The following VPS45 variants were observed in gnomAD, a reference collection of about 807,000 sequenced individuals.
VPS45 encodes the protein vacuolar protein sorting 45 homolog, also known as vacuolar protein sorting-associated protein 45.
VPS45 carries 35 observed loss-of-function variants against 75.9 expected under a neutral mutation model. That is an observed-to-expected ratio of 0.46 (90% CI 0.35 to 0.61). VPS45 has a LOEUF of 0.61. Among genes scored for constraint, VPS45 ranks in the 20% least tolerant of loss-of-function variants. The pLI, the probability that VPS45 is intolerant of heterozygous loss-of-function variation, is 0.00. For missense variants in VPS45, 559 were observed against 685.9 expected (o/e 0.81, Z 2.07); for synonymous variants, 220 against 238.2 (o/e 0.92, Z 0.70).
At chr1:150,132,681 T>G (rs1276406856) in intron 14 of VPS45, among the ~76,000 whole-genome samples, 1 of 152,228 alleles carries the variant, frequency 6.6e-6, no homozygotes, top group Non-Finnish European at 1.5e-5. Flanking sequence ...CCCTTTGGTC[T>G]TGTTCGAAGC....
At chr1:150,096,123 TTTG>T (rs1279808675) in intron 13 of VPS45, among the ~76,000 whole-genome samples, 5 of 152,154 alleles carry the variant, frequency 3.3e-5, no homozygotes, top group Non-Finnish European at 7.3e-5. Context: ...GAAACAGAGT[TTTG>T]TTGTTCAGTT....
intron 2 of VPS45, 22 bp downstream of exon 2, chr1:150,068,786 C>T (rs1553796403): frequency 6.3e-7 from 1 of 1,581,032 alleles, no homozygotes; most frequent in Non-Finnish European, 8.6e-7. Context: ...ACTGAGCTTC[C>T]ATCTGCCCAG....
At chr1:150,120,054 G>A (rs587614019) in intron 14 of VPS45, among the ~76,000 whole-genome samples, 1 of 152,316 alleles carries the variant, frequency 6.6e-6, no homozygotes, top group African/African-American at 2.4e-5. Context: ...GTTGCGATGA[G>A]CTGAGATCGC....
chr1:150,102,858 G>A (rs1325002086), intron 13 of VPS45, among the ~76,000 whole-genome samples: 1 of 152,082 alleles, frequency 6.6e-6, no homozygotes. Context: ...AGACACTGGG[G>A]TCTACTTGAG....
intron 3 of VPS45, among the ~76,000 whole-genome samples, chr1:150,075,053 CAGGTTCA>C (rs1308578132): frequency 7.1e-6 from 1 of 141,408 alleles, no homozygotes; most frequent in Middle Eastern, 3.3e-3. Flanking sequence ...CTCAACTTCC[CAGGTTCA>C]AGTGATGTTG....
intron 13 of VPS45, among the ~76,000 whole-genome samples, chr1:150,096,002 G>A (rs1234755503): frequency 2.6e-5 from 4 of 152,112 alleles, no homozygotes; most frequent in African/African-American, 9.7e-5. Flanking sequence ...AATGGAAGTG[G>A]TTTGGGTAGG....
In VPS45 at chr1:150,097,588, A is replaced by G. The variant is rs143363897; in HGVS notation, c.1493+3940A>G. 6.8e-3 allele frequency among the ~76,000 whole-genome samples: 1,035 copies of G among 151,270 alleles called. 8 individuals are homozygous for G. Among genetic ancestry groups the G allele is most frequent in the African/African-American group, 0.024 (999 of 41,358 alleles). On this transcript the variant is annotated intron_variant, in intron 13 of 14. Coordinates refer to ENST00000644510, the MANE Select transcript of VPS45 (RefSeq NM_007259.5). ...GCAAAAATTAGCCAGGCGTGGTGGC[A>G]TGCACCTGTAGTCCCAGCTACTCAG... is the stretch of plus-strand genomic sequence containing the variant.
At chr1:150,106,578 C>T (rs11205327) in intron 13 of VPS45, among the ~76,000 whole-genome samples, 10,354 of 152,114 alleles carry the variant, frequency 0.068, 1,151 homozygotes, top group African/African-American at 0.23. Context: ...ACCTTCCTAC[C>T]GGCTCTTCTG....
intron 14 of VPS45, among the ~76,000 whole-genome samples, chr1:150,138,289 A>T (rs2101659738): frequency 6.6e-6 from 1 of 152,176 alleles, no homozygotes; most frequent in South Asian, 2.1e-4. Context: ...AATAGAGATG[A>T]GGTATTGCTA....
chr1:150,087,728 C>T (rs1171286639), intron 10 of VPS45, among the ~76,000 whole-genome samples: 1 of 152,178 alleles, frequency 6.6e-6, no homozygotes, highest in Non-Finnish European at 1.5e-5. Context: ...CTTGTACCTA[C>T]AGGTTTCTTT....
intron 3 of VPS45, among the ~76,000 whole-genome samples, chr1:150,073,019 T>C (rs370363566): frequency 2.0e-5 from 3 of 152,216 alleles, no homozygotes; most frequent in Admixed American, 6.5e-5. Context: ...CATCAGGTAG[T>C]GATCTCTTAT....
intron 2 of VPS45, among the ~76,000 whole-genome samples, chr1:150,071,353 C>T (rs1474767654): frequency 6.6e-6 from 1 of 152,190 alleles, no homozygotes; most frequent in Non-Finnish European, 1.5e-5. Flanking sequence ...TAGCCTGCTA[C>T]TTGCAAATAC....
chr1:150,133,086 A>T (rs587746750), intron 14 of VPS45, among the ~76,000 whole-genome samples: 1 of 152,230 alleles, frequency 6.6e-6, no homozygotes, highest in African/African-American at 2.4e-5. Context: ...GAATTATATT[A>T]TTATTCCAAG....
intron 9 of VPS45, 125 bp from the exon 10 acceptor site, chr1:150,082,591 G>A (rs587692789): frequency 1.7e-6 from 2 of 1,190,404 alleles, no homozygotes; most frequent in Admixed American, 4.7e-5. Flanking sequence ...CCATGTGGCT[G>A]AAAGTTGTAG....
intron 14 of VPS45, among the ~76,000 whole-genome samples, chr1:150,117,960 T>C (rs1658027924): frequency 6.6e-6 from 1 of 152,044 alleles, no homozygotes; most frequent in Non-Finnish European, 1.5e-5. Flanking sequence ...AATACATGTT[T>C]TAGATGTGTT....
chr1:150,069,725 G>A (rs1654935645), intron 2 of VPS45, among the ~76,000 whole-genome samples: 1 of 152,006 alleles, frequency 6.6e-6, no homozygotes, highest in Non-Finnish European at 1.5e-5. Context: ...CAAAGTGCTG[G>A]GATTACAGGC....
At chr1:150,136,247 T>TCA (rs1288685292) in intron 14 of VPS45, among the ~76,000 whole-genome samples, 119,514 of 123,968 alleles carry the variant, frequency 0.96, 57,972 homozygotes, top group East Asian at 0.99. Context: ...AGACTCTGTC[T>TCA]ACAAAAAAAA....
chr1:150,111,016 CATAA>C (rs781918727), intron 14 of VPS45, among the ~76,000 whole-genome samples: 30 of 152,154 alleles, frequency 2.0e-4, no homozygotes, highest in Non-Finnish European at 4.3e-4. Flanking sequence ...AATACTTAAA[CATAA>C]TGGTATTGAA....
At chr1:150,076,395 T>C (rs1655388085) in intron 4 of VPS45, 83 bp downstream of exon 4, 2 of 1,165,624 alleles carry the variant, frequency 1.7e-6, no homozygotes, top group Non-Finnish European at 1.2e-6. Flanking sequence ...TAAGGAAAGG[T>C]CTGTCTCAAA....
Sources: gnomAD v4.1 joint callset for allele counts (sites outside exome capture counted in the v4.1 genomes callset) on GRCh38, gnomAD v4.1.1 for gene constraint, MANE v1.5 for transcripts, NCBI Gene and HGNC (gene_info 2026-07-23, HGNC 2026-07-21) for gene names.